The following HSDL1 variants were observed in gnomAD, a reference collection of about 807,000 sequenced individuals.
The protein encoded by HSDL1 is inactive hydroxysteroid dehydrogenase-like protein 1.
HSDL1 carries 29 observed loss-of-function variants against 31.5 expected under a neutral mutation model. The ratio of observed to expected loss-of-function variants is 0.92; its 90% CI spans 0.69 to 1.26. The LOEUF (loss-of-function observed/expected upper bound fraction) is 1.26, where lower values mean the gene tolerates loss of function less well. Ranked by LOEUF, HSDL1 falls within the 50% of genes most tolerant of loss-of-function variation. The pLI, the probability that HSDL1 is intolerant of heterozygous loss-of-function variation, is 0.00. For missense variants in HSDL1, 503 were observed against 416.6 expected, an observed-to-expected ratio of 1.21 and a Z score of -1.81; for synonymous variants, 222 against 155.2, an observed-to-expected ratio of 1.43 and a Z score of -3.20.
At chr16:84,137,003 C>A (rs1042212219) in intron 1 of HSDL1, among the ~76,000 whole-genome samples, 1 of 143,492 alleles carries the variant, frequency 7.0e-6, no homozygotes, top group African/African-American at 2.6e-5. Context: ...CACACACGGT[C>A]ACTGGTCCTA....
intron 1 of HSDL1, among the ~76,000 whole-genome samples, chr16:84,143,481 G>A (rs117224150): frequency 2.4e-4 from 36 of 152,236 alleles, no homozygotes; most frequent in Non-Finnish European, 3.7e-4. Flanking sequence ...TGGGGTTGGG[G>A]TTTCTTTTGT....
At chr16:84,136,867 C>T (rs3809619) in intron 1 of HSDL1, among the ~76,000 whole-genome samples, 80,247 of 152,068 alleles carry the variant, frequency 0.53, 21,265 homozygotes, top group East Asian at 0.62. Flanking sequence ...AACCCAAGTT[C>T]TTCATTCCTT....
At chr16:84,140,669 G>A (rs1026042759) in intron 1 of HSDL1, among the ~76,000 whole-genome samples, 1 of 152,176 alleles carries the variant, frequency 6.6e-6, no homozygotes, top group South Asian at 2.1e-4. Context: ...AACCAGTGTC[G>A]TGGAAGTCCT....
At chr16:84,140,023 A>G (rs968165006) in intron 1 of HSDL1, among the ~76,000 whole-genome samples, 4 of 152,088 alleles carry the variant, frequency 2.6e-5, no homozygotes, top group Admixed American at 6.5e-5. Context: ...CCTAACAAGC[A>G]CCAACAACAT....
chr16:84,134,468 C>A (rs2086695242), intron 2 of HSDL1, among the ~76,000 whole-genome samples: 1 of 151,992 alleles, frequency 6.6e-6, no homozygotes, highest in African/African-American at 2.4e-5. Flanking sequence ...ACTAAAAACA[C>A]AAAAATTAGC....
intron 1 of HSDL1, among the ~76,000 whole-genome samples, chr16:84,136,152 T>C (rs930393928): frequency 6.6e-6 from 1 of 152,232 alleles, no homozygotes; most frequent in Non-Finnish European, 1.5e-5. Context: ...GCAGGGATTC[T>C]GGCTCGCCCA....
intron 2 of HSDL1, among the ~76,000 whole-genome samples, chr16:84,132,770 C>T (rs904550277): frequency 6.6e-6 from 1 of 152,106 alleles, no homozygotes; most frequent in African/African-American, 2.4e-5. Context: ...GAGTGGACTT[C>T]ATATCAGGCT....
chr16:84,132,107 C>A (rs1448281077), intron 2 of HSDL1, among the ~76,000 whole-genome samples: 3 of 152,236 alleles, frequency 2.0e-5, no homozygotes, highest in African/African-American at 7.2e-5. Flanking sequence ...TACTACACTA[C>A]ATGCTGTGGC....
intron 5 of HSDL1, among the ~76,000 whole-genome samples, chr16:84,127,382 A>C (rs928613622): frequency 6.6e-6 from 1 of 151,194 alleles, no homozygotes; most frequent in Non-Finnish European, 1.5e-5. Flanking sequence ...TGACCAGTTA[A>C]TTTTTATATT....
rs756747605 is a variant in HSDL1 at position 84,129,778 on chromosome 16, G to A, written c.667-3C>T. 1 of 1,604,502 alleles carries A rather than the reference G, an allele frequency of 6.2e-7. No individual in the cohort carries two copies. Among genetic ancestry groups the A allele is most frequent in the Non-Finnish European group, 8.5e-7 (1 of 1,171,966 alleles). ...CTGCTGAAGTGGTCTAAATAAGCCT[G>A]TTGAGACAGAGGGGAGGAAAAGACT... is the stretch of plus-strand genomic sequence containing the variant. On this transcript the variant is annotated splice_region_variant and splice_polypyrimidine_tract_variant and intron_variant, in intron 4 of 5. Coordinates refer to ENST00000219439, the MANE Select transcript of HSDL1 (RefSeq NM_031463.5).
intron 1 of HSDL1, among the ~76,000 whole-genome samples, chr16:84,142,080 C>A (rs1203281465): frequency 6.6e-6 from 1 of 152,072 alleles, no homozygotes; most frequent in Non-Finnish European, 1.5e-5. Context: ...GCATGTACCA[C>A]CAAGCCCAGT....
chr16:84,123,578 TCTAA>T lies in HSDL1; in HGVS notation c.*1048_*1051del, dbSNP rs2086575031. 6.6e-6 allele frequency: 1 copy of T among 152,510 alleles called. No individual in the cohort carries two copies. The highest frequency in any genetic ancestry group is 1.5e-5 in the Non-Finnish European group (1 of 68,052). 9.4% of individuals were successfully genotyped at this position (152,510 alleles called of 1,614,324 possible). A position where few individuals can be genotyped will look rare whatever the true frequency, so the allele number is the denominator to read the frequency against. On this transcript the variant is annotated 3_prime_UTR_variant, in exon 6 of 6. Coordinates refer to ENST00000219439, the MANE Select transcript of HSDL1 (RefSeq NM_031463.5). ...TCATTACACAAACCAAGAATAAGCT[TCTAA>T]CTTATATTGACAGATATGTCACACA...
intron 2 of HSDL1, among the ~76,000 whole-genome samples, chr16:84,133,545 G>C (rs1240870248): frequency 2.0e-5 from 3 of 152,152 alleles, no homozygotes; most frequent in African/African-American, 7.2e-5. Context: ...GTCTGGCCAA[G>C]ATGGTGAAAC....
intron 5 of HSDL1, among the ~76,000 whole-genome samples, chr16:84,128,927 C>T (rs934020326): frequency 4.6e-5 from 7 of 151,916 alleles, no homozygotes; most frequent in African/African-American, 1.5e-4. Flanking sequence ...AGGTTGGTCT[C>T]GAACTCCTGA....
chr16:84,132,064 C>T (rs2086675067), intron 2 of HSDL1, among the ~76,000 whole-genome samples: 1 of 152,198 alleles, frequency 6.6e-6, no homozygotes, highest in Non-Finnish European at 1.5e-5. Context: ...AACATAACTA[C>T]CAGAAGTTAC....
chr16:84,140,014 C>G (rs2086750036), intron 1 of HSDL1, among the ~76,000 whole-genome samples: 1 of 152,146 alleles, frequency 6.6e-6, no homozygotes, highest in Admixed American at 6.5e-5. Context: ...CAATCACTTC[C>G]TAACAAGCAC....
intron 2 of HSDL1, among the ~76,000 whole-genome samples, chr16:84,133,082 A>C (rs1040117943): frequency 2.6e-5 from 4 of 151,972 alleles, no homozygotes; most frequent in African/African-American, 9.7e-5. Flanking sequence ...ACTCCACTGC[A>C]GTGTAATCTG....
At chr16:84,132,660 T>C (rs2086679454) in intron 2 of HSDL1, among the ~76,000 whole-genome samples, 1 of 152,106 alleles carries the variant, frequency 6.6e-6, no homozygotes, top group African/African-American at 2.4e-5. Flanking sequence ...CAAAATAATG[T>C]AAAATGCCAC....
At chr16:84,137,084 T>C (rs2086719866) in intron 1 of HSDL1, among the ~76,000 whole-genome samples, 2 of 152,204 alleles carry the variant, frequency 1.3e-5, no homozygotes, top group Non-Finnish European at 2.9e-5. Flanking sequence ...TGTCAGAGAC[T>C]GAGGACACCA....
Sources: gnomAD v4.1 joint callset for allele counts (sites outside exome capture counted in the v4.1 genomes callset) on GRCh38, gnomAD v4.1.1 for gene constraint, MANE v1.5 for transcripts, NCBI Gene and HGNC (gene_info 2026-07-23, HGNC 2026-07-21) for gene names.